The following FSTL5 variants were observed in gnomAD, a reference collection of about 807,000 sequenced individuals.
FSTL5 encodes follistatin-related protein 5.
In FSTL5, 62 loss-of-function variants were observed where a neutral mutation model predicts 89.1. The ratio of observed to expected loss-of-function variants is 0.70; its 90% CI spans 0.57 to 0.86. FSTL5 has a LOEUF of 0.86. Among genes scored for constraint, FSTL5 ranks in the 40% least tolerant of loss-of-function variants. The pLI is 0.00. For missense variants in FSTL5, 1,057 were observed against 1,001.6 expected, an observed-to-expected ratio of 1.06 and a Z score of -0.75; for synonymous variants, 383 against 346.2, an observed-to-expected ratio of 1.11 and a Z score of -1.18.
At chr4:161,629,827 T>C (rs2126654515) in intron 7 of FSTL5, among the ~76,000 whole-genome samples, 1 of 152,282 alleles carries the variant, frequency 6.6e-6, no homozygotes, top group Non-Finnish European at 1.5e-5. Flanking sequence ...TACGGGAAAT[T>C]ACAAAGGCTT....
intron 6 of FSTL5, among the ~76,000 whole-genome samples, chr4:161,706,072 A>C (rs1439216880): frequency 6.8e-6 from 1 of 146,110 alleles, no homozygotes; most frequent in Non-Finnish European, 1.5e-5. Context: ...AGCATACACC[A>C]CTGACTTTAT....
chr4:161,676,213 C>T (rs1433582657), intron 6 of FSTL5, among the ~76,000 whole-genome samples: 1 of 151,986 alleles, frequency 6.6e-6, no homozygotes, highest in Non-Finnish European at 1.5e-5. Context: ...CAAGTAATTC[C>T]AATCTTATGG....
intron 3 of FSTL5, among the ~76,000 whole-genome samples, chr4:161,973,194 G>A (rs1735534561): frequency 6.6e-6 from 1 of 152,030 alleles, no homozygotes; most frequent in African/African-American, 2.4e-5. Flanking sequence ...GTATTACGTA[G>A]TGAAAGGTAT....
intron 6 of FSTL5, among the ~76,000 whole-genome samples, chr4:161,695,453 G>GTGTGTGTGTA (rs769170988): frequency 5.2e-5 from 7 of 134,966 alleles, no homozygotes; most frequent in African/African-American, 1.9e-4. Context: ...GTGTGTGTGT[G>GTGTGTGTGTA]TATATATATC....
rs768911383 is a variant in FSTL5, at chr4:162,046,847, T to C, written c.127-13189A>G. ...ATTCCTTCTATAATATGTTTATCCCTTAATAGATTTGGGTTTCTAATTTAT... is the reference window on the plus strand; with the variant it reads ...ATTCCTTCTATAATATGTTTATCCCCTAATAGATTTGGGTTTCTAATTTAT... On this transcript the variant is annotated intron_variant, in intron 2 of 15. Coordinates refer to ENST00000306100, the MANE Select transcript of FSTL5 (RefSeq NM_020116.5). 3.3e-4 allele frequency among the ~76,000 whole-genome samples: 50 copies of C among 152,174 alleles called. 1 individual carries two copies. Among genetic ancestry groups the C allele is most frequent in the South Asian group, 1.0e-3 (5 of 4,830 alleles).
chr4:161,864,629 TGGGA>T (rs1732018917), intron 4 of FSTL5, among the ~76,000 whole-genome samples: 1 of 152,138 alleles, frequency 6.6e-6, no homozygotes, highest in Non-Finnish European at 1.5e-5. Context: ...CCCAGCACTT[TGGGA>T]GACTGAGGTG....
At chr4:161,583,421 T>C (rs903549350) in intron 8 of FSTL5, among the ~76,000 whole-genome samples, 1 of 152,188 alleles carries the variant, frequency 6.6e-6, no homozygotes, top group African/African-American at 2.4e-5. Flanking sequence ...CCCTATCTTG[T>C]CTTATTTTCT....
At chr4:162,063,223 G>C (rs1203709090) in intron 2 of FSTL5, among the ~76,000 whole-genome samples, 1 of 151,428 alleles carries the variant, frequency 6.6e-6, no homozygotes, top group Admixed American at 6.6e-5. Context: ...TTTCTCATCT[G>C]TGAAATTCTA....
At chr4:161,551,424 T>A (rs530208856) in intron 8 of FSTL5, among the ~76,000 whole-genome samples, 1,744 of 151,704 alleles carry the variant, frequency 0.011, 22 homozygotes, top group African/African-American at 0.039. Context: ...CACTTTTTGA[T>A]GGGGTTGTTT....
At chr4:161,829,271 A>G (rs935962623) in intron 4 of FSTL5, among the ~76,000 whole-genome samples, 3 of 150,606 alleles carry the variant, frequency 2.0e-5, no homozygotes, top group Non-Finnish European at 4.4e-5. Flanking sequence ...AAAAGCTCTT[A>G]AAGTTTTAAT....
chr4:161,794,716 T>C (rs1729577265), intron 4 of FSTL5, among the ~76,000 whole-genome samples: 1 of 152,172 alleles, frequency 6.6e-6, no homozygotes, highest in African/African-American at 2.4e-5. Context: ...CCCCTTCTTT[T>C]AAACCATGTC....
At chr4:161,965,776 C>A (rs12643775) in intron 3 of FSTL5, among the ~76,000 whole-genome samples, 7 of 151,990 alleles carry the variant, frequency 4.6e-5, no homozygotes, top group African/African-American at 1.7e-4. Context: ...GGTGAGAAGA[C>A]GGCAGGGATT....
intron 5 of FSTL5, among the ~76,000 whole-genome samples, chr4:161,761,265 C>A (rs1740789595): frequency 6.6e-6 from 1 of 152,150 alleles, no homozygotes; most frequent in Admixed American, 6.5e-5. Context: ...AATAAAAATA[C>A]ATATATTACA....
intron 4 of FSTL5, among the ~76,000 whole-genome samples, chr4:161,816,641 T>A (rs902394847): frequency 2.6e-5 from 4 of 152,124 alleles, no homozygotes; most frequent in Admixed American, 2.6e-4. Flanking sequence ...ACATAAAAAA[T>A]TTTCGGCCCA....
chr4:162,070,995 T>A (rs1275077650), intron 2 of FSTL5, among the ~76,000 whole-genome samples: 2 of 151,034 alleles, frequency 1.3e-5, no homozygotes, highest in African/African-American at 4.9e-5. Context: ...GTTACACAAA[T>A]GAGAAAGAGA....
At chr4:161,524,037 A>G (rs1309283228) in intron 10 of FSTL5, among the ~76,000 whole-genome samples, 2 of 152,156 alleles carry the variant, frequency 1.3e-5, no homozygotes, top group East Asian at 3.9e-4. Context: ...GGGATGGAAC[A>G]TGCCTCATTA....
intron 2 of FSTL5, among the ~76,000 whole-genome samples, chr4:162,106,376 G>T (rs926084997): frequency 6.6e-6 from 1 of 152,122 alleles, no homozygotes; most frequent in Non-Finnish European, 1.5e-5. Flanking sequence ...CCTCAAGCCT[G>T]ACTTTGATTA....
intron 15 of FSTL5, among the ~76,000 whole-genome samples, chr4:161,445,683 T>C (rs7686372): frequency 0.29 from 44,653 of 151,808 alleles, 7,283 homozygotes; most frequent in Non-Finnish European, 0.37. Flanking sequence ...GTCATTTTCA[T>C]CCATGACAGA....
intron 3 of FSTL5, among the ~76,000 whole-genome samples, chr4:161,948,326 G>A (rs1734793772): frequency 6.7e-6 from 1 of 149,200 alleles, no homozygotes; most frequent in Non-Finnish European, 1.5e-5. Flanking sequence ...AAAGAGTGAT[G>A]AATCCTGGCT....
Sources: gnomAD v4.1 joint callset for allele counts (sites outside exome capture counted in the v4.1 genomes callset) on GRCh38, gnomAD v4.1.1 for gene constraint, MANE v1.5 for transcripts, NCBI Gene and HGNC (gene_info 2026-07-23, HGNC 2026-07-21) for gene names.